Variants in OTOGL observed in about 807,000 individuals in gnomAD.
OTOGL encodes the protein otogelin like.
In OTOGL, 285 loss-of-function variants were observed where a neutral mutation model predicts 318.5. The observed-to-expected ratio is 0.89, with a 90% CI of 0.81 to 0.99. The LOEUF is 0.99. Among genes scored for constraint, OTOGL ranks in the 50% least tolerant of loss-of-function variants. The probability of loss-of-function intolerance (pLI) is 0.00; values close to 1 mark genes in which losing one functional copy is unlikely to be tolerated. For synonymous variants in OTOGL, 987 were observed against 936.5 expected (o/e 1.05, Z -0.99); for missense variants, 2,899 against 2,845.6 (o/e 1.02, Z -0.43).
Position 80,256,528 on chromosome 12 carries a change from C to G in OTOGL, c.1711+68C>G, listed in dbSNP as rs977538420. The G allele has an allele frequency of 1.5e-5, 12 of 813,358 alleles. No homozygotes were observed. In the East Asian group the frequency reaches 4.6e-4, roughly 31 times the overall value. The allele number at this position is 813,358 out of a possible 1,614,324, so 50.4% of individuals were successfully genotyped here. ...AACAAACAAACAAACAAACAACACA[C>G]GCAAACAAAATGGGATCTTTTCCTA... On this transcript the variant is annotated intron_variant, in intron 17 of 58. Transcript: ENST00000547103.
intron 26 of OTOGL, among the ~76,000 whole-genome samples, chr12:80,285,217 G>C (rs899570163): frequency 1.3e-5 from 2 of 152,040 alleles, no homozygotes; most frequent in Non-Finnish European, 2.9e-5. Context: ...CGAGGCCTCT[G>C]TTAGGTTCCA....
intron 29 of OTOGL, among the ~76,000 whole-genome samples, chr12:80,306,150 G>T (rs944830192): frequency 1.3e-5 from 2 of 152,160 alleles, no homozygotes; most frequent in African/African-American, 4.8e-5. Context: ...ACGTGTATAT[G>T]TGTGTGGGTG....
In OTOGL at chr12:80,356,226, A is replaced by C. The variant is rs557994927; in HGVS notation, c.5807-190A>C. On this transcript the variant is annotated intron_variant, in intron 47 of 58. Transcript: ENST00000547103. ...GAAAGACAATAATAGAAAAATGTCAAAGCTGCTGCATTTTCATATATGGCC... is the reference window on the plus strand; with the variant it reads ...GAAAGACAATAATAGAAAAATGTCACAGCTGCTGCATTTTCATATATGGCC... 8.0e-5 allele frequency: 49 copies of C among 611,784 alleles called. 1 individual carries two copies. The South Asian group carries it at 9.9e-4, about 12-fold the overall frequency. The allele number at this position is 611,784 out of a possible 1,614,324, so 37.9% of individuals were successfully genotyped here. A position where few individuals can be genotyped will look rare whatever the true frequency, so the allele number is the denominator to read the frequency against.
At chr12:80,214,102 T>G (rs867504692) in intron 4 of OTOGL, among the ~76,000 whole-genome samples, 68 of 152,216 alleles carry the variant, frequency 4.5e-4, no homozygotes, top group Admixed American at 4.6e-4. Flanking sequence ...GGGTGGGCTG[T>G]CCTCTTATCA....
chr12:80,333,885 A>G (rs1248719866), intron 38 of OTOGL, among the ~76,000 whole-genome samples: 1 of 152,186 alleles, frequency 6.6e-6, no homozygotes, highest in Non-Finnish European at 1.5e-5. Context: ...GCAAGAATGT[A>G]CCTAATGTAT....
intron 1 of OTOGL, among the ~76,000 whole-genome samples, chr12:80,144,900 G>A (rs1872233662): frequency 6.6e-6 from 1 of 151,418 alleles, no homozygotes; most frequent in Non-Finnish European, 1.5e-5. Context: ...TTTTGATGGG[G>A]TTGTTTGTTT....
At position 80,346,888 on chromosome 12, in the gene OTOGL, T is replaced by A. The variant is rs182570418; in HGVS notation, c.5265+4726T>A. ...TTGTAGATGACTTCAACTTTCTAGC[T>A]TAAACAGGGTAACATATCGAGATAA... is the stretch of plus-strand genomic sequence containing the variant. On this transcript the variant is annotated intron_variant, in intron 44 of 58. Coordinates refer to ENST00000547103, the MANE Select transcript of OTOGL (RefSeq NM_001378609.3). Among the ~76,000 whole-genome samples, 145 of 152,298 alleles carry A rather than the reference T, an allele frequency of 9.5e-4. 1 individual carries two copies. The highest frequency in any genetic ancestry group is 3.4e-3 in the African/African-American group (142 of 41,574).
intron 1 of OTOGL, among the ~76,000 whole-genome samples, chr12:80,206,249 T>C (rs1876800281): frequency 6.6e-6 from 1 of 152,212 alleles, no homozygotes. Context: ...TAAACTCTCT[T>C]CTATTGCAGC....
intron 1 of OTOGL, among the ~76,000 whole-genome samples, chr12:80,108,771 GTATA>G (rs72466250): frequency 9.3e-5 from 12 of 129,444 alleles, no homozygotes; most frequent in South Asian, 2.4e-4. Flanking sequence ...ATATATACAC[GTATA>G]TATATATATA....
intron 8 of OTOGL, among the ~76,000 whole-genome samples, chr12:80,231,518 G>A (rs1375940476): frequency 2.0e-5 from 3 of 152,000 alleles, no homozygotes; most frequent in Admixed American, 6.6e-5. Context: ...TCCTGGAAAG[G>A]AACTCACTAA....
At chr12:80,329,441 G>A (rs1429688376) in intron 37 of OTOGL, among the ~76,000 whole-genome samples, 4 of 152,186 alleles carry the variant, frequency 2.6e-5, no homozygotes, top group African/African-American at 4.8e-5. Flanking sequence ...TTCAGTTCGT[G>A]TAGATTCCTT....
At chr12:80,122,967 C>G (rs1201739717) in intron 1 of OTOGL, among the ~76,000 whole-genome samples, 2 of 151,560 alleles carry the variant, frequency 1.3e-5, no homozygotes, top group Admixed American at 6.6e-5. Context: ...AACCAGGCTC[C>G]AGGTAAGAGG....
chr12:80,273,940 G>C (rs184729484), intron 24 of OTOGL, among the ~76,000 whole-genome samples: 2 of 152,122 alleles, frequency 1.3e-5, no homozygotes, highest in Admixed American at 1.3e-4. Context: ...CACAAATGGT[G>C]CCCATATAAG....
At chr12:80,256,980 G>T (rs774887668) in intron 17 of OTOGL, among the ~76,000 whole-genome samples, 2 of 152,082 alleles carry the variant, frequency 1.3e-5, no homozygotes, top group Non-Finnish European at 2.9e-5. Context: ...TTTTGCTACA[G>T]CAGAGAGAGG....
At chr12:80,169,775 T>C (rs1029031411) in intron 1 of OTOGL, among the ~76,000 whole-genome samples, 1 of 152,200 alleles carries the variant, frequency 6.6e-6, no homozygotes, top group Non-Finnish European at 1.5e-5. Context: ...AATCATACAG[T>C]ATGTAATATT....
Position 80,368,311 on chromosome 12 carries a change from TATGTTTC to T in OTOGL, c.6615+6_6615+12del. 1 of 1,570,930 alleles carries T rather than the reference TATGTTTC, an allele frequency of 6.4e-7. No homozygotes were observed. Among genetic ancestry groups the T allele is most frequent in the Non-Finnish European group, 8.7e-7 (1 of 1,151,554 alleles). ...AATGGAACATCAGTTGTATACGCGG[TATGTTTC>T]ATGGAGAGTAATGCTCTGTGCTATT... is the stretch of plus-strand genomic sequence containing the variant. On this transcript the variant is annotated splice_donor_5th_base_variant and intron_variant, in intron 55 of 58. Coordinates refer to ENST00000547103, the MANE Select transcript of OTOGL (RefSeq NM_001378609.3).
At chr12:80,110,067 C>CTTTTTTTTTTTTTTTTTTTTTTT (rs35589524) in intron 1 of OTOGL, among the ~76,000 whole-genome samples, 1 of 103,762 alleles carries the variant, frequency 9.6e-6, no homozygotes, top group African/African-American at 3.8e-5. Context: ...TTCTTTCTTT[C>CTTTTTTTTTTTTTTTTTTTTTTT]TTTTTTTTTT....
intron 1 of OTOGL, among the ~76,000 whole-genome samples, chr12:80,184,022 G>T (rs993939704): frequency 6.6e-6 from 1 of 152,054 alleles, no homozygotes; most frequent in Non-Finnish European, 1.5e-5. Context: ...TCTTCAAATA[G>T]GTCCCTTTTT....
chr12:80,325,147 C>G (rs887111843), intron 35 of OTOGL, among the ~76,000 whole-genome samples: 102 of 151,934 alleles, frequency 6.7e-4, no homozygotes, highest in African/African-American at 2.3e-3. Flanking sequence ...AGGTTCTATT[C>G]TATGGCAAAT....
Sources: gnomAD v4.1 joint callset for allele counts (sites outside exome capture counted in the v4.1 genomes callset) on GRCh38, gnomAD v4.1.1 for gene constraint, MANE v1.5 for transcripts, NCBI Gene and HGNC (gene_info 2026-07-23, HGNC 2026-07-21) for gene names.